Variants in PCDHGB4 observed in about 807,000 individuals in gnomAD.
PCDHGB4 encodes protocadherin gamma subfamily B, 4.
Under a neutral mutation model 60.5 loss-of-function variants are expected in PCDHGB4, and 38 were observed. The ratio of observed to expected loss-of-function variants is 0.63; its 90% CI spans 0.48 to 0.82. The LOEUF (loss-of-function observed/expected upper bound fraction) is 0.82. Among genes scored for constraint, PCDHGB4 ranks in the 40% least tolerant of loss-of-function variants. The probability of loss-of-function intolerance (pLI) is 0.00; values close to 1 mark genes in which losing one functional copy is unlikely to be tolerated. For synonymous variants in PCDHGB4, 456 were observed against 509.7 expected (o/e 0.89, Z 1.42); for missense variants, 1,109 against 1,209.6 (o/e 0.92, Z 1.23).
intron 1 of PCDHGB4, chr5:141,428,239 G>T (rs1183885220): frequency 3.0e-6 from 3 of 997,526 alleles, no homozygotes; most frequent in Non-Finnish European, 4.6e-6. Flanking sequence ...CCTGCAGGAG[G>T]CACTGCCAGA....
At position 141,389,311 on chromosome 5, in the gene PCDHGB4, A is replaced by C; in HGVS notation, c.1427A>C (p.Asp476Ala). The change falls in exon 1 of 4, where the codon GAT (aspartate) becomes GCT (alanine). Residue 476 changes from aspartate (D) to alanine (A), a missense_variant. By Grantham distance (126) the Asp-to-Ala change is moderately radical (BLOSUM62 -2). Around this residue, in one of 2 missense-constraint regions of PCDHGB4, gnomAD observed 1,068 missense variants for 1,089.9 expected, o/e 0.98. Transcript: ENST00000519479. Reference protein sequence around the residue: ...GASISQVRASDPDLGPNGQVS... With the variant: ...GASISQVRASAPDLGPNGQVS... ...TCTATTTCACAAGTCAGGGCTTCTG[A>C]TCCGGACTTGGGGCCCAACGGCCAA... 2 of 1,613,988 alleles carry C rather than the reference A, an allele frequency of 1.2e-6. No individual in the cohort carries two copies. The highest frequency in any genetic ancestry group is 1.7e-6 in the Non-Finnish European group (2 of 1,179,898).
chr5:141,505,546 C>T (rs555460173), intron 3 of PCDHGB4, 65 bp downstream of exon 3: 36 of 1,608,242 alleles, frequency 2.2e-5, no homozygotes, highest in South Asian at 7.7e-5. Context: ...CATCTCACAG[C>T]CACCATGCCC....
intron 1 of PCDHGB4, among the ~76,000 whole-genome samples, chr5:141,471,913 G>A (rs1307168228): frequency 6.6e-6 from 1 of 152,164 alleles, no homozygotes. Context: ...CAAGCATGAG[G>A]GAAATTTTGG....
chr5:141,421,795 GC>G, intron 1 of PCDHGB4: 1 of 1,613,818 alleles, frequency 6.2e-7, no homozygotes, highest in East Asian at 2.2e-5. Context: ...AACGGATGGG[GC>G]CAAGAATCCA....
chr5:141,399,525 C>T (rs1170362164), intron 1 of PCDHGB4: 1 of 1,614,058 alleles, frequency 6.2e-7, no homozygotes, highest in East Asian at 2.2e-5. Flanking sequence ...CTGGGGCCTC[C>T]ATCGCGCAAG....
rs770357830 is a variant in PCDHGB4 at position 141,392,977 on chromosome 5, A to G, written c.2397+2696A>G. On this transcript the variant is annotated intron_variant, in intron 1 of 3. Coordinates refer to ENST00000519479, the MANE Select transcript of PCDHGB4 (RefSeq NM_003736.4). ...AATATCTCCAAGGACCTGGGGCTGG[A>G]CCCCCGGAAGCTGGCGAAGCACGGA... 1.9e-6 allele frequency: 3 copies of G among 1,613,560 alleles called. No homozygotes were observed. The highest frequency in any genetic ancestry group is 4.5e-5 in the East Asian group (2 of 44,876).
rs141556649 is a variant in PCDHGB4 at position 141,492,225 on chromosome 5, C to T, written c.2398-2582C>T. ...GTGTGCGCGCGGGGCTCATGCGTGT[C>T]CTCCCTGCTGGCCACCCCCACGGCC... On this transcript the variant is annotated intron_variant, in intron 1 of 3. Transcript: ENST00000519479. Among the ~76,000 whole-genome samples the T allele has an allele frequency of 2.4e-3, 361 of 152,274 alleles. No individual in the cohort carries two copies. In the Middle Eastern group the frequency reaches 0.024, roughly 10 times the overall value.
chr5:141,492,274 A>C (rs2099739010), intron 1 of PCDHGB4, among the ~76,000 whole-genome samples: 1 of 152,024 alleles, frequency 6.6e-6, no homozygotes, highest in Non-Finnish European at 1.5e-5. Flanking sequence ...CGGGCTCGCC[A>C]CGCCCCGCCA....
In PCDHGB4 at chr5:141,388,793, T is replaced by C; in HGVS notation, c.909T>C (p.Asn303=). Residue 303 remains asparagine, a synonymous_variant, in exon 1 of 4, where the codon AAT becomes AAC. Transcript: ENST00000519479. ...NSNTGEITVL[N]TLDFEEVKEY... ...ACACCGGGGAAATTACTGTTTTAAA[T>C]ACATTAGATTTTGAAGAAGTCAAAG... 6.2e-7 allele frequency: 1 copy of C among 1,613,918 alleles called. No homozygotes were observed. The highest frequency in any genetic ancestry group is 1.1e-5 in the South Asian group (1 of 91,066).
In PCDHGB4 at chr5:141,477,029, A is replaced by C; in HGVS notation, c.2398-17778A>C. 6.2e-7 allele frequency: 1 copy of C among 1,614,238 alleles called. No homozygotes were observed. The highest frequency in any genetic ancestry group is 8.5e-7 in the Non-Finnish European group (1 of 1,180,040). Reference sequence around the variant, plus strand: ...CTTAGACCTTGTAACCGGGATGCTGACAATCAAGGGTCGGCTGGACTTCGA... The same window carrying C: ...CTTAGACCTTGTAACCGGGATGCTGCCAATCAAGGGTCGGCTGGACTTCGA... On this transcript the variant is annotated intron_variant, in intron 1 of 3. Transcript: ENST00000519479. This position sits in a 1 kb window ranked among gnomAD's most constrained non-coding sequence, Gnocchi z 4.9.
Position 141,511,376 on chromosome 5 carries a change from G to C in PCDHGB4, c.*203G>C. ...CCAGGGGGTTGAATATGCAAAAGCA[G>C]TTCCGCTGGGAACCCCCATCCAATC... On this transcript the variant is annotated 3_prime_UTR_variant, in exon 4 of 4. Coordinates refer to ENST00000519479, the MANE Select transcript of PCDHGB4 (RefSeq NM_003736.4). 1 of 1,211,520 alleles carries C rather than the reference G, an allele frequency of 8.3e-7. No homozygotes were observed. The allele number at this position is 1,211,520 out of a possible 1,614,324, so 75.0% of individuals were successfully genotyped here.
chr5:141,400,580 C>T (rs756569671), intron 1 of PCDHGB4: 2 of 1,610,388 alleles, frequency 1.2e-6, no homozygotes, highest in South Asian at 2.2e-5. Context: ...TCTGTATTTA[C>T]ATGAAACTAT....
chr5:141,468,528 G>A (rs2154569956), intron 1 of PCDHGB4: 1 of 152,056 alleles, frequency 6.6e-6, no homozygotes, highest in South Asian at 2.1e-4. Context: ...TTTTTTGCAG[G>A]TAGTTTCCTG....
intron 1 of PCDHGB4, chr5:141,394,056 G>C (rs776550132): frequency 6.2e-7 from 1 of 1,613,734 alleles, no homozygotes; most frequent in Non-Finnish European, 8.5e-7. Flanking sequence ...CCGAGAAAAT[G>C]TCTCTATCTA....
chr5:141,421,834 CGA>C lies in PCDHGB4; in HGVS notation c.2397+31558_2397+31559del, dbSNP rs763631483. The C allele has an allele frequency of 2.1e-5, 34 of 1,613,630 alleles. No homozygotes were observed. The Admixed American group carries it at 5.5e-4, about 26-fold the overall frequency. ...GCTAGTACTGGAGGGAAGCCTGGAC[CGA>C]GAGAAAGAGGCTGCTCACCTGCTCC... On this transcript the variant is annotated intron_variant, in intron 1 of 3. Transcript: ENST00000519479.
At chr5:141,455,239 G>A (rs1034181635) in intron 1 of PCDHGB4, among the ~76,000 whole-genome samples, 1 of 151,898 alleles carries the variant, frequency 6.6e-6, no homozygotes, top group African/African-American at 2.4e-5. Context: ...AAATGTTAAA[G>A]GTCATAGTAC....
At position 141,490,707 on chromosome 5, in the gene PCDHGB4, C is replaced by T; in HGVS notation, c.2398-4100C>T. ...CAGACACTGGGGATAATGCCCGCCT[C>T]ACCTACTCCATTGTAGGAAATCAGG... On this transcript the variant is annotated intron_variant, in intron 1 of 3. Transcript: ENST00000519479. The surrounding 1 kb of genome is among the most constrained non-coding windows in gnomAD (Gnocchi z 5.4). The T allele has an allele frequency of 3.1e-6, 5 of 1,614,194 alleles. No individual in the cohort carries two copies. Among genetic ancestry groups the T allele is most frequent in the Non-Finnish European group, 3.4e-6 (4 of 1,180,008 alleles).
rs903029281 is a variant in PCDHGB4, at chr5:141,389,240, G to A, written c.1356G>A (p.Gln452=). 4 of 1,613,902 alleles carry A rather than the reference G, an allele frequency of 2.5e-6. No individual in the cohort carries two copies. The highest frequency in any genetic ancestry group is 1.3e-5 in the African/African-American group (1 of 74,928). ...ATGACAACGCTCCGGTTTTCTCACA[G>A]TCTTCCTATATAGTCCACGTGGCCG... ...DVNDNAPVFS[Q]SSYIVHVAEN... Residue 452 remains glutamine, a synonymous_variant, in exon 1 of 4, where the codon CAG becomes CAA. Transcript: ENST00000519479.
chr5:141,400,245 C>G (rs778709619), intron 1 of PCDHGB4: 32 of 1,613,998 alleles, frequency 2.0e-5, no homozygotes, highest in Non-Finnish European at 2.5e-5. Flanking sequence ...TGATTCTGGC[C>G]GTTGCCTTGC....
Sources: gnomAD v4.1 joint callset for allele counts (sites outside exome capture counted in the v4.1 genomes callset) on GRCh38, gnomAD v4.1.1 for gene constraint, gnomAD v4.1.1 regional missense constraint, Gnocchi (gnomAD v3.1) non-coding constraint, MANE v1.5 for transcripts, NCBI Gene and HGNC (gene_info 2026-07-23, HGNC 2026-07-21) for gene names.